The following GRM8 variants were observed in gnomAD, a reference collection of about 807,000 sequenced individuals.
GRM8 encodes the protein glutamate metabotropic receptor 8, also known as metabotropic glutamate receptor 8.
GRM8 carries 47 observed loss-of-function variants against 87.2 expected under a neutral mutation model. The ratio of observed to expected loss-of-function variants is 0.54; its 90% CI spans 0.43 to 0.69. The LOEUF (loss-of-function observed/expected upper bound fraction) is 0.69. Among genes scored for constraint, GRM8 ranks in the 30% least tolerant of loss-of-function variants. GRM8 has a pLI of 0.00. For synonymous variants in GRM8, 396 were observed against 404.5 expected, an observed-to-expected ratio of 0.98 and a Z score of 0.25; for missense variants, 1,019 against 1,139.2, an observed-to-expected ratio of 0.89 and a Z score of 1.52.
chr7:126,704,316 T>C (rs1180413504), intron 7 of GRM8, among the ~76,000 whole-genome samples: 1 of 152,196 alleles, frequency 6.6e-6, no homozygotes, highest in Non-Finnish European at 1.5e-5. Context: ...TTCCTATGCC[T>C]GTCTTTACTT....
At chr7:126,896,464 A>T (rs1242647027) in intron 6 of GRM8, among the ~76,000 whole-genome samples, 2 of 152,068 alleles carry the variant, frequency 1.3e-5, no homozygotes, top group African/African-American at 4.8e-5. Context: ...AAATCAAATT[A>T]TGTAAATTCA....
intron 3 of GRM8, chr7:127,095,585 G>C (rs938609401): frequency 1.3e-5 from 2 of 152,046 alleles, no homozygotes; most frequent in African/African-American, 4.8e-5. Flanking sequence ...TCAACTTTTT[G>C]CATTCTTTAT....
chr7:127,163,294 T>C (rs1793232534), intron 2 of GRM8, among the ~76,000 whole-genome samples: 3 of 152,130 alleles, frequency 2.0e-5, no homozygotes, highest in Non-Finnish European at 1.5e-5. Flanking sequence ...GTTTAATCAG[T>C]GCAAAGGACT....
chr7:127,119,440 T>G (rs1027194986), intron 2 of GRM8, among the ~76,000 whole-genome samples: 1 of 151,976 alleles, frequency 6.6e-6, no homozygotes, highest in African/African-American at 2.4e-5. Context: ...GAGCCAAGAT[T>G]GTGCCATTGC....
chr7:126,618,933 A>C (rs547826541), intron 7 of GRM8, among the ~76,000 whole-genome samples: 1 of 152,352 alleles, frequency 6.6e-6, no homozygotes, highest in South Asian at 2.1e-4. Context: ...TTGGGACTGT[A>C]AACTAGTTCA....
intron 2 of GRM8, among the ~76,000 whole-genome samples, chr7:127,107,135 A>G (rs1825886884): frequency 6.6e-6 from 1 of 152,228 alleles, no homozygotes; most frequent in East Asian, 1.9e-4. Context: ...TAAATGCTAT[A>G]CAATGACTAA....
intron 10 of GRM8, among the ~76,000 whole-genome samples, chr7:126,444,486 A>G (rs1324847045): frequency 6.6e-6 from 1 of 152,078 alleles, no homozygotes; most frequent in Non-Finnish European, 1.5e-5. Flanking sequence ...TGTAAGGTTC[A>G]TTTCTCTACA....
At chr7:126,731,625 T>C in intron 7 of GRM8, among the ~76,000 whole-genome samples, 1 of 152,080 alleles carries the variant, frequency 6.6e-6, no homozygotes, top group East Asian at 1.9e-4. Flanking sequence ...ACAATTAATA[T>C]ATTCCCATAT....
At chr7:126,627,793 C>G (rs1264123526) in intron 7 of GRM8, among the ~76,000 whole-genome samples, 1 of 151,998 alleles carries the variant, frequency 6.6e-6, no homozygotes, top group Non-Finnish European at 1.5e-5. Context: ...TAATCTGTTA[C>G]CATAATGAAT....
chr7:126,948,754 G>A (rs569383354), intron 3 of GRM8, among the ~76,000 whole-genome samples: 11 of 152,240 alleles, frequency 7.2e-5, no homozygotes, highest in South Asian at 2.1e-4. Flanking sequence ...CTGGGGAAGC[G>A]CTGTAGACAC....
intron 8 of GRM8, among the ~76,000 whole-genome samples, chr7:126,582,660 G>C (rs931949985): frequency 2.6e-5 from 4 of 152,146 alleles, no homozygotes; most frequent in Non-Finnish European, 4.4e-5. Context: ...TCTCTTATTA[G>C]GGCCTAATGA....
chr7:127,167,254 A>G (rs967335302), intron 2 of GRM8, among the ~76,000 whole-genome samples: 1 of 152,184 alleles, frequency 6.6e-6, no homozygotes, highest in Non-Finnish European at 1.5e-5. Context: ...ATCATCATGT[A>G]CATGCCAACA....
At chr7:126,843,904 C>T (rs1234017637) in intron 6 of GRM8, among the ~76,000 whole-genome samples, 3 of 152,132 alleles carry the variant, frequency 2.0e-5, no homozygotes, top group Non-Finnish European at 4.4e-5. Context: ...GTGTTCTCAT[C>T]TATTATTGAT....
chr7:127,052,671 A>G (rs1352704790), intron 3 of GRM8, among the ~76,000 whole-genome samples: 2 of 152,212 alleles, frequency 1.3e-5, no homozygotes, highest in African/African-American at 4.8e-5. Context: ...TCACTACTTT[A>G]TTCCTACTCT....
intron 7 of GRM8, among the ~76,000 whole-genome samples, chr7:126,684,540 G>A (rs2151343414): frequency 6.6e-6 from 1 of 152,254 alleles, no homozygotes; most frequent in South Asian, 2.1e-4. Flanking sequence ...GACTTCAATG[G>A]CACCAGGGCT....
At chr7:126,916,838 T>C (rs1803957249) in intron 3 of GRM8, among the ~76,000 whole-genome samples, 1 of 152,126 alleles carries the variant, frequency 6.6e-6, no homozygotes, top group Non-Finnish European at 1.5e-5. Flanking sequence ...AGAACAAACA[T>C]CAGCACCCAA....
chr7:126,591,971 C>A (rs1796713325), intron 8 of GRM8, among the ~76,000 whole-genome samples: 1 of 151,528 alleles, frequency 6.6e-6, no homozygotes, highest in Non-Finnish European at 1.5e-5. Context: ...GTACAATGAA[C>A]AATTACGTGC....
At chr7:126,926,284 CAT>C (rs1162333076) in intron 3 of GRM8, among the ~76,000 whole-genome samples, 1 of 152,078 alleles carries the variant, frequency 6.6e-6, no homozygotes, top group Non-Finnish European at 1.5e-5. Context: ...GTCTTTTACC[CAT>C]AGAGAAATTT....
intron 9 of GRM8, among the ~76,000 whole-genome samples, chr7:126,482,995 A>G (rs890501605): frequency 6.6e-6 from 1 of 150,860 alleles, no homozygotes; most frequent in Admixed American, 6.6e-5. Flanking sequence ...TAAGAAAAAC[A>G]TTTATATCTT....
Sources: allele counts gnomAD v4.1 joint callset (sites outside exome capture counted in the v4.1 genomes callset), GRCh38; gene constraint gnomAD v4.1.1; transcripts MANE v1.5; gene names NCBI Gene and HGNC (gene_info 2026-07-23, HGNC 2026-07-21).